Variants in PLOD3 observed in about 807,000 individuals in gnomAD.
PLOD3 encodes multifunctional procollagen lysine hydroxylase and glycosyltransferase LH3.
Under a neutral mutation model 96.9 loss-of-function variants are expected in PLOD3, and 73 were observed. The ratio of observed to expected loss-of-function variants is 0.75; its 90% CI spans 0.62 to 0.92. The LOEUF is 0.92. Ranked by LOEUF, PLOD3 falls within the 40% of genes least tolerant of loss-of-function variation. PLOD3 has a pLI of 0.00. For synonymous variants in PLOD3, 454 were observed against 413.7 expected (o/e 1.10, Z -1.18); for missense variants, 1,004 against 1,004.3 (o/e 1.00, Z 0.00).
In PLOD3 at chr7:101,216,293, C is replaced by T. The variant is rs1015518334; in HGVS notation, c.372G>A (p.Glu124=). Residue 124 remains glutamate (E), a synonymous_variant, in exon 4 of 19, where the codon GAG becomes GAA. Transcript: ENST00000223127. ...CACTCTGGACGAACTTCTTCAGCAGCTCTGTGGGGCTGCCGGCCAGAATCA... is the reference window on the plus strand; with the variant it reads ...CACTCTGGACGAACTTCTTCAGCAGTTCTGTGGGGCTGCCGGCCAGAATCA... ...YDVILAGSPT[E]LLKKFVQSGS... is the part of the protein sequence containing the mutation. The T allele has an allele frequency of 2.5e-6, 4 of 1,613,484 alleles. No homozygotes were observed. Among genetic ancestry groups the T allele is most frequent in the African/African-American group, 1.3e-5 (1 of 75,050 alleles).
chr7:101,207,854 T>A (rs1798113933), intron 16 of PLOD3, 130 bp from the exon 17 acceptor site: 1 of 1,010,656 alleles, frequency 9.9e-7, no homozygotes, highest in Non-Finnish European at 1.5e-6. Context: ...CAGTCTTCTT[T>A]GCTACTTCTC....
intron 3 of PLOD3, 37 bp from the exon 4 acceptor site, chr7:101,216,363 G>A: frequency 6.2e-7 from 1 of 1,613,620 alleles, no homozygotes; most frequent in South Asian, 1.1e-5. Context: ...GGGGTCCACT[G>A]GGAACCTCAG....
chr7:101,212,114 G>C, intron 10 of PLOD3, 139 bp downstream of exon 10: 1 of 1,203,530 alleles, frequency 8.3e-7, no homozygotes, highest in Non-Finnish European at 1.2e-6. Context: ...TGACAGCATG[G>C]GGGCTGCAAG....
intron 9 of PLOD3, 71 bp downstream of exon 9, chr7:101,212,459 T>C: frequency 7.4e-7 from 1 of 1,353,030 alleles, no homozygotes; most frequent in Non-Finnish European, 1.0e-6. Flanking sequence ...GAGATGGGGG[T>C]GGGGGCACGA....
chr7:101,216,337 A>G lies in PLOD3; in HGVS notation c.339-11T>C, dbSNP rs749961033. ...AGAATCACGTCGTAGCTGGGTGAGG[A>G]AGGGGAGGATGGGCAGGGGTCCACT... On this transcript the variant is annotated splice_polypyrimidine_tract_variant and intron_variant, in intron 3 of 18. Transcript: ENST00000223127. 1 of 1,613,440 alleles carries G rather than the reference A, an allele frequency of 6.2e-7. No homozygotes were observed. The highest frequency in any genetic ancestry group is 8.5e-7 in the Non-Finnish European group (1 of 1,180,024).
At position 101,217,230 on chromosome 7, in the gene PLOD3, C is replaced by T. The variant is rs2116813773; in HGVS notation, c.45G>A (p.Pro15=). ...GPGPRFLLLL[P]LLLPPAASAS... is the part of the protein sequence containing the mutation. ...CTGAGGCCGCAGGGGGCAGCAGCAG[C>T]GGCAGCAGCAGCAGGAACCGGGGTC... is the stretch of plus-strand genomic sequence containing the variant. Residue 15 remains proline, a synonymous_variant, in exon 1 of 19, where the codon CCG becomes CCA. Transcript: ENST00000223127. 5 of 1,497,706 alleles carry T rather than the reference C, an allele frequency of 3.3e-6. No homozygotes were observed. The highest frequency in any genetic ancestry group is 4.6e-5 in the Admixed American group (2 of 43,066). 92.8% of individuals were successfully genotyped at this position (1,497,706 alleles called of 1,614,324 possible). A position where few individuals can be genotyped will look rare whatever the true frequency, so the allele number is the denominator to read the frequency against.
At chr7:101,212,420 C>T (rs368953637) in intron 9 of PLOD3, 46 bp from the exon 10 acceptor site, 32 of 1,595,420 alleles carry the variant, frequency 2.0e-5, no homozygotes, top group African/African-American at 1.9e-4. Context: ...GGCAGGGAGG[C>T]GGCACCTGAG....
At position 101,211,850 on chromosome 7, in the gene PLOD3, T is replaced by A; in HGVS notation, c.1228A>T (p.Asn410Tyr). 6.2e-7 allele frequency: 1 copy of A among 1,611,118 alleles called. No homozygotes were observed. The highest frequency in any genetic ancestry group is 1.1e-5 in the South Asian group (1 of 90,688). The change falls in exon 11 of 19, where the codon AAC (asparagine) becomes TAC (tyrosine). Residue 410 changes from asparagine to tyrosine, a missense_variant. Around this residue, in one of 5 missense-constraint regions of PLOD3, gnomAD observed 690 missense variants for 650.2 expected, o/e 1.06. Coordinates refer to ENST00000223127, the MANE Select transcript of PLOD3 (RefSeq NM_001084.5). The part of the protein sequence containing the change: ...LQTLRILIEE[N>Y]RKVIAPMLSR... ...CGGGGAGAGGGGGTAAGCCACCTGTTCTCCTCAATGAGGATACGCAGGGTC... is the reference window on the plus strand; with the variant it reads ...CGGGGAGAGGGGGTAAGCCACCTGTACTCCTCAATGAGGATACGCAGGGTC...
Position 101,212,194 on chromosome 7 carries a change from C to T in PLOD3, c.1127+59G>A, listed in dbSNP as rs1215060196. On this transcript the variant is annotated intron_variant, in intron 10 of 18. Transcript: ENST00000223127. Reference sequence around the variant, plus strand: ...GAGGCAAGGGCCAGGCAGCAGGTGGCAGCACCCCTGACCCTACAGCCTCAT... The same window carrying T: ...GAGGCAAGGGCCAGGCAGCAGGTGGTAGCACCCCTGACCCTACAGCCTCAT... 47 of 1,598,980 alleles carry T rather than the reference C, an allele frequency of 2.9e-5. 1 individual carries two copies. The highest frequency in any genetic ancestry group is 3.7e-5 in the Non-Finnish European group (44 of 1,175,020).
At chr7:101,207,271 C>G (rs548358325) in intron 17 of PLOD3, among the ~76,000 whole-genome samples, 242 of 152,154 alleles carry the variant, frequency 1.6e-3, no homozygotes, top group African/African-American at 5.7e-3. Context: ...CCACCACGCC[C>G]GGCCATCGCA....
chr7:101,211,577 C>T lies in PLOD3; in HGVS notation c.1358+14G>A. ...GTCGGAGGAGGCGGGGGGCTGCAGG[C>T]TGGCGGGACTCACACTCGCTTCCGC... On this transcript the variant is annotated intron_variant, in intron 12 of 18. Transcript: ENST00000223127. 1 of 1,595,950 alleles carries T rather than the reference C, an allele frequency of 6.3e-7. No homozygotes were observed. Among genetic ancestry groups the T allele is most frequent in the East Asian group, 2.3e-5 (1 of 44,196 alleles).
intron 3 of PLOD3, 27 bp downstream of exon 3, chr7:101,216,383 C>T (rs1304341878): frequency 4.3e-6 from 7 of 1,613,828 alleles, no homozygotes; most frequent in Non-Finnish European, 5.9e-6. Flanking sequence ...GCATCCTTAC[C>T]CCGCTCCCTA....
chr7:101,217,332 A>G lies in PLOD3; in HGVS notation c.-58T>C. On this transcript the variant is annotated 5_prime_UTR_variant, in exon 1 of 19. Transcript: ENST00000223127. ...CCTGGGATCTCCGCTACGCGCCTGGATCCCAGCTCCGGAGGGGAGCTCTGG... is the reference window on the plus strand; with the variant it reads ...CCTGGGATCTCCGCTACGCGCCTGGGTCCCAGCTCCGGAGGGGAGCTCTGG... 7.4e-7 allele frequency: 1 copy of G among 1,344,912 alleles called. No homozygotes were observed. The highest frequency in any genetic ancestry group is 9.5e-7 in the Non-Finnish European group (1 of 1,047,664). 83.3% of individuals were successfully genotyped at this position (1,344,912 alleles called of 1,614,324 possible). A position where few individuals can be genotyped will look rare whatever the true frequency, so the allele number is the denominator to read the frequency against.
In PLOD3 at chr7:101,213,181, G is replaced by A. The variant is rs146134980; in HGVS notation, c.703C>T (p.Arg235Trp). 1.7e-4 allele frequency: 282 copies of A among 1,613,242 alleles called. 1 individual carries two copies. Among genetic ancestry groups the A allele is most frequent in the South Asian group, 1.0e-3 (91 of 91,058 alleles). Reference protein sequence around the residue: ...ALDEVVLKFDRNRVRIRNVAY... With the variant: ...ALDEVVLKFDWNRVRIRNVAY... Reference sequence around the variant, plus strand: ...ACGTTCCGGATACGCACACGGTTCCGATCAAACTTTAAAACCACTTCATCT... The same window carrying A: ...ACGTTCCGGATACGCACACGGTTCCAATCAAACTTTAAAACCACTTCATCT... The change falls in exon 7 of 19, where the codon CGG (arginine) becomes TGG (tryptophan). Residue 235 changes from arginine to tryptophan, a missense_variant. Physicochemically the swap from Arg to Trp is moderately radical, Grantham distance 101 (BLOSUM62 -3). Coordinates refer to ENST00000223127, the MANE Select transcript of PLOD3 (RefSeq NM_001084.5).
chr7:101,217,490 C>T lies in PLOD3; in HGVS notation c.-216G>A, dbSNP rs890327080. 1 of 517,282 alleles carries T rather than the reference C, an allele frequency of 1.9e-6. No homozygotes were observed. The highest frequency in any genetic ancestry group is 3.3e-6 in the Non-Finnish European group (1 of 303,624). 32.0% of individuals were successfully genotyped at this position (517,282 alleles called of 1,614,324 possible). A position where few individuals can be genotyped will look rare whatever the true frequency, so the allele number is the denominator to read the frequency against. On this transcript the variant is annotated 5_prime_UTR_variant, in exon 1 of 19. Coordinates refer to ENST00000223127, the MANE Select transcript of PLOD3 (RefSeq NM_001084.5). ...GCGCCACAGACAAGGCGAGGATTGT[C>T]CCGGGCGCACGGGAGGCGGGGGAGG...
rs1410670906 is a variant in PLOD3 at position 101,216,027 on chromosome 7, G to A, written c.503-7C>T. On this transcript the variant is annotated splice_polypyrimidine_tract_variant and splice_region_variant and intron_variant, in intron 4 of 18. Coordinates refer to ENST00000223127, the MANE Select transcript of PLOD3 (RefSeq NM_001084.5). ...GTGGCAAAACCGATGAATCCTGGCG[G>A]GGAGGGGGAGTGTTGACCTCGAGAC... is the stretch of plus-strand genomic sequence containing the variant. The A allele has an allele frequency of 6.2e-7, 1 of 1,612,786 alleles. No individual in the cohort carries two copies. The highest frequency in any genetic ancestry group is 8.5e-7 in the Non-Finnish European group (1 of 1,178,908).
At chr7:101,215,565 G>A (rs1798256400) in intron 5 of PLOD3, among the ~76,000 whole-genome samples, 1 of 152,104 alleles carries the variant, frequency 6.6e-6, no homozygotes, top group South Asian at 2.1e-4. Flanking sequence ...GAATGCAGTG[G>A]TGCAAAACAT....
chr7:101,215,230 T>A, intron 5 of PLOD3, 78 bp from the exon 6 acceptor site: 1 of 1,092,672 alleles, frequency 9.2e-7, no homozygotes, highest in Admixed American at 1.7e-5. Flanking sequence ...TTCTCTCTCT[T>A]TTTTTCTTCT....
In PLOD3 at chr7:101,216,534, C is replaced by T; in HGVS notation, c.214G>A (p.Gly72Arg). ...FNYTVRTLGL[G>R]EEWRGGDVAR... ...ACATCACCCCCTCGCCACTCCTCTC[C>T]CAGGCCCAGGGTCTGTGGAGAAGAT... The change falls in exon 3 of 19, where the codon GGA (glycine) becomes AGA (arginine). Residue 72 changes from glycine to arginine, a missense_variant. Gly to Arg is a moderately radical substitution (Grantham distance 125). Coordinates refer to ENST00000223127, the MANE Select transcript of PLOD3 (RefSeq NM_001084.5). 1 of 1,614,122 alleles carries T rather than the reference C, an allele frequency of 6.2e-7. No individual in the cohort carries two copies. The highest frequency in any genetic ancestry group is 8.5e-7 in the Non-Finnish European group (1 of 1,180,026).
Sources: allele counts gnomAD v4.1 joint callset (sites outside exome capture counted in the v4.1 genomes callset), GRCh38; gene constraint gnomAD v4.1.1; regional missense constraint gnomAD v4.1.1; transcripts MANE v1.5; gene names NCBI Gene and HGNC (gene_info 2026-07-23, HGNC 2026-07-21).